The following TSNARE1 variants were observed in gnomAD, a reference collection of about 807,000 sequenced individuals.
The protein encoded by TSNARE1 is t-SNARE domain containing 1.
In TSNARE1, 49 loss-of-function variants were observed where a neutral mutation model predicts 62.0. That is an observed-to-expected ratio of 0.79 (90% CI 0.63 to 1.00). The LOEUF (loss-of-function observed/expected upper bound fraction) is 1.00. TSNARE1 is among the 50% of genes least tolerant of loss of function. The pLI, the probability that TSNARE1 is intolerant of heterozygous loss-of-function variation, is 0.00. For missense variants in TSNARE1, 755 were observed against 700.1 expected (o/e 1.08, Z -0.88); for synonymous variants, 328 against 294.4 (o/e 1.11, Z -1.17).
chr8:142,221,643 G>A (rs13260725), intron 13 of TSNARE1, among the ~76,000 whole-genome samples: 113,838 of 123,572 alleles, frequency 0.92, 52,960 homozygotes, highest in Non-Finnish European at 0.94. Context: ...TCATTGACTC[G>A]TTCATTCATC....
intron 11 of TSNARE1, among the ~76,000 whole-genome samples, chr8:142,281,361 T>C (rs1482019147): frequency 6.6e-6 from 1 of 151,576 alleles, no homozygotes; most frequent in Non-Finnish European, 1.5e-5. Context: ...GATGAATGGG[T>C]CAGAGCCCTC....
At chr8:142,390,139 T>C (rs555111350) in intron 1 of TSNARE1, among the ~76,000 whole-genome samples, 5 of 152,382 alleles carry the variant, frequency 3.3e-5, no homozygotes, top group East Asian at 1.9e-4. Context: ...GCACTTACCA[T>C]GAACGGGGCT....
intron 12 of TSNARE1, among the ~76,000 whole-genome samples, chr8:142,237,459 G>A (rs1817488944): frequency 1.3e-5 from 2 of 152,180 alleles, no homozygotes; most frequent in Non-Finnish European, 2.9e-5. Context: ...CACCCAAAGG[G>A]CCTGGCACAA....
chr8:142,270,697 C>T (rs1447947097), intron 12 of TSNARE1: 2 of 985,240 alleles, frequency 2.0e-6, no homozygotes, highest in Non-Finnish European at 2.4e-6. Flanking sequence ...GCCACCCTTT[C>T]CAGAGTTCCA....
intron 11 of TSNARE1, among the ~76,000 whole-genome samples, chr8:142,281,521 T>TA (rs1397162482): frequency 1.3e-5 from 2 of 151,696 alleles, no homozygotes; most frequent in African/African-American, 2.4e-5. Flanking sequence ...GCTGTGTGAC[T>TA]ACAGTGGGAA....
At chr8:142,377,106 A>G (rs1332164415) in intron 1 of TSNARE1, among the ~76,000 whole-genome samples, 1 of 152,216 alleles carries the variant, frequency 6.6e-6, no homozygotes, top group Admixed American at 6.5e-5. Context: ...TCCCTCCAAG[A>G]GCACGTCCCC....
chr8:142,256,310 TCA>T (rs1818552975), intron 12 of TSNARE1, among the ~76,000 whole-genome samples: 1 of 62,466 alleles, frequency 1.6e-5, no homozygotes, highest in Non-Finnish European at 3.5e-5. Flanking sequence ...ACCACCACCA[TCA>T]TCACCACCAT....
intron 12 of TSNARE1, among the ~76,000 whole-genome samples, chr8:142,248,800 G>A (rs1404274340): frequency 6.6e-6 from 1 of 152,244 alleles, no homozygotes; most frequent in African/African-American, 2.4e-5. Context: ...GAGGAACAGA[G>A]GCCAGCCTCC....
intron 11 of TSNARE1, chr8:142,277,662 A>G: frequency 2.0e-6 from 2 of 985,436 alleles, no homozygotes; most frequent in Non-Finnish European, 2.4e-6. Context: ...TGCTGTCAGC[A>G]GCAGGGCAGG....
At chr8:142,322,463 A>G (rs1005471382) in intron 6 of TSNARE1, among the ~76,000 whole-genome samples, 1 of 152,256 alleles carries the variant, frequency 6.6e-6, no homozygotes, top group African/African-American at 2.4e-5. Context: ...ATTGAAAATG[A>G]AGAGTAAAAC....
chr8:142,223,265 CACTCATTCA>C (rs1816559407), intron 13 of TSNARE1, among the ~76,000 whole-genome samples: 1 of 55,774 alleles, frequency 1.8e-5, no homozygotes, highest in South Asian at 6.7e-4. Context: ...TTCACTCACT[CACTCATTCA>C]GTCACTCACT....
intron 1 of TSNARE1, among the ~76,000 whole-genome samples, chr8:142,359,325 C>T (rs757634594): frequency 5.3e-5 from 8 of 152,148 alleles, no homozygotes; most frequent in Admixed American, 2.0e-4. Context: ...GCTGCACGCC[C>T]GCTGGAGCCG....
At chr8:142,314,239 C>T (rs1828139082) in intron 9 of TSNARE1, 145 bp downstream of exon 9, 2 of 691,236 alleles carry the variant, frequency 2.9e-6, no homozygotes, top group Non-Finnish European at 4.9e-6. Context: ...TCAAAATGCC[C>T]ACGTTTTCAA....
intron 12 of TSNARE1, among the ~76,000 whole-genome samples, chr8:142,241,024 T>C (rs995420483): frequency 9.9e-5 from 15 of 152,170 alleles, no homozygotes; most frequent in African/African-American, 3.1e-4. Context: ...CCAGTGTAAT[T>C]AGGCAAGACG....
intron 11 of TSNARE1, chr8:142,278,100 TCAG>T: frequency 2.0e-6 from 2 of 984,958 alleles, no homozygotes; most frequent in Non-Finnish European, 2.4e-6. Context: ...CCCCACCCCA[TCAG>T]GAGGCCCACT....
chr8:142,223,157 TTCACTCAC>T (rs527838832), intron 13 of TSNARE1, among the ~76,000 whole-genome samples: 1 of 77,978 alleles, frequency 1.3e-5, no homozygotes, highest in African/African-American at 4.5e-5. Context: ...CACTCACTCA[TTCACTCAC>T]TCACTCAAGT....
chr8:142,261,096 AAGAGAGGGGG>A (rs1347546712), intron 12 of TSNARE1, among the ~76,000 whole-genome samples: 7 of 18,418 alleles, frequency 3.8e-4, no homozygotes, highest in East Asian at 1.6e-3. Context: ...GGAAGGAGGG[AAGAGAGGGGG>A]AGCAGGGAAG....
chr8:142,244,032 A>G (rs1055281464), intron 12 of TSNARE1, among the ~76,000 whole-genome samples: 1 of 152,156 alleles, frequency 6.6e-6, no homozygotes, highest in Non-Finnish European at 1.5e-5. Flanking sequence ...TAAAAGTACA[A>G]AAAATTAGCC....
At chr8:142,270,385 T>A in intron 12 of TSNARE1, 1 of 985,404 alleles carries the variant, frequency 1.0e-6, no homozygotes, top group Non-Finnish European at 1.2e-6. Context: ...GCCTGCTTTG[T>A]CATTTTATGC....
Sources: gnomAD v4.1 joint callset for allele counts (sites outside exome capture counted in the v4.1 genomes callset) on GRCh38, gnomAD v4.1.1 for gene constraint, MANE v1.5 for transcripts, NCBI Gene and HGNC (gene_info 2026-07-23, HGNC 2026-07-21) for gene names.